Variants in FTCD observed in about 807,000 individuals in gnomAD.
FTCD encodes the protein formimidoyltransferase-cyclodeaminase.
A neutral mutation model predicts 62.9 loss-of-function variants in FTCD; 76 were observed. The observed-to-expected ratio is 1.21, with a 90% CI of 1.00 to 1.46. The LOEUF is 1.46. Ranked by LOEUF, FTCD falls within the 40% of genes most tolerant of loss-of-function variation. FTCD has a pLI of 0.00. For synonymous variants in FTCD, 397 were observed against 336.9 expected, an observed-to-expected ratio of 1.18 and a Z score of -1.95; for missense variants, 845 against 751.3, an observed-to-expected ratio of 1.12 and a Z score of -1.46.
At position 46,137,269 on chromosome 21, in the gene FTCD, C is replaced by T. The variant is rs2078890850; in HGVS notation, c.1509G>A (p.Arg503=). 3 of 1,613,658 alleles carry T rather than the reference C, an allele frequency of 1.9e-6. No homozygotes were observed. The highest frequency in any genetic ancestry group is 2.5e-6 in the Non-Finnish European group (3 of 1,179,838). ...GAYFNVLINL[R]DITDEAFKDQ... The stretch of plus-strand genomic sequence containing the variant: ...CCTTAAATGCCTCGTCTGTGATGTC[C>T]CTCAGGTTGATGAGCACGTTGAAAT... Residue 503 remains arginine (R), a synonymous_variant, in exon 13 of 14, where the codon AGG becomes AGA. Coordinates refer to ENST00000397746, the MANE Select transcript of FTCD (RefSeq NM_206965.2).
At position 46,152,897 on chromosome 21, in the gene FTCD, G is replaced by GGGGGGGGGGGGGGC; in HGVS notation, c.367+9_367+10insGCCCCCCCCCCCCC. The GGGGGGGGGGGGGGC allele has an allele frequency of 2.5e-6, 3 of 1,210,012 alleles. No homozygotes were observed. Among genetic ancestry groups the GGGGGGGGGGGGGGC allele is most frequent in the Non-Finnish European group, 3.5e-6 (3 of 865,774 alleles). The allele number at this position is 1,210,012 out of a possible 1,614,324, so 75.0% of individuals were successfully genotyped here. A position where few individuals can be genotyped will look rare whatever the true frequency, so the allele number is the denominator to read the frequency against. ...GGAGCAGAGTGAGGGGGGCGGGGGG[G>GGGGGGGGGGGGGGC]CACGCTCACCTGGCACGTCCAGCTC... On this transcript the variant is annotated intron_variant, in intron 3 of 13. Coordinates refer to ENST00000397746, the MANE Select transcript of FTCD (RefSeq NM_206965.2).
At chr21:46,143,331 CCT>C (rs2079060855) in intron 10 of FTCD, among the ~76,000 whole-genome samples, 1 of 151,414 alleles carries the variant, frequency 6.6e-6, no homozygotes, top group Non-Finnish European at 1.5e-5. Context: ...TCCCCACCTC[CCT>C]CTCTCCCCAC....
In FTCD at chr21:46,150,244, T is replaced by C. The variant is rs781738479; in HGVS notation, c.781A>G (p.Ser261Gly). 6.2e-7 allele frequency: 1 copy of C among 1,609,516 alleles called. No individual in the cohort carries two copies. Among genetic ancestry groups the C allele is most frequent in the South Asian group, 1.1e-5 (1 of 90,442 alleles). The change falls in exon 7 of 14, where the codon AGC (serine) becomes GGC (glycine). Residue 261 changes from serine (S) to glycine (G), a missense_variant. By Grantham distance (56) the Ser-to-Gly change is moderately conservative (BLOSUM62 0). Transcript: ENST00000397746. ...AGCTGTGAGCCCACCACTGGGAGGC[T>C]CAGCTCCTGCCAAGGCACAGGCAGC... ...EETCREAQEL[S>G]LPVVGSQLVG...
chr21:46,138,346 C>T (rs780075243), intron 12 of FTCD, among the ~76,000 whole-genome samples, 162 bp downstream of exon 12: 13 of 152,182 alleles, frequency 8.5e-5, no homozygotes, highest in Non-Finnish European at 1.9e-4. Context: ...CAGCGGACAC[C>T]CCGGCCCTGT....
rs2079145641 is a variant in FTCD, at chr21:46,146,282, T to G, written c.952A>C (p.Lys318Gln). 1.2e-6 allele frequency: 2 copies of G among 1,604,398 alleles called. No individual in the cohort carries two copies. Among genetic ancestry groups the G allele is most frequent in the East Asian group, 4.5e-5 (2 of 44,586 alleles). ...GAGGCTCACTCGATGATCCGCTCCTTAGGGCTGAAGGGGCACAGGGAGTCC... is the reference window on the plus strand; with the variant it reads ...GAGGCTCACTCGATGATCCGCTCCTGAGGGCTGAAGGGGCACAGGGAGTCC... ...GLDSLCPFSP[K>Q]ERIIEYLVPE... The change falls in exon 8 of 14, where the codon AAG becomes CAG. Residue 318 changes from lysine to glutamine, a missense_variant. Transcript: ENST00000397746.
At chr21:46,147,585 G>A (rs1018710208) in intron 7 of FTCD, among the ~76,000 whole-genome samples, 2 of 152,108 alleles carry the variant, frequency 1.3e-5, no homozygotes, top group African/African-American at 4.8e-5. Flanking sequence ...GAGGCAGCAC[G>A]CAGCCACGGG....
At chr21:46,144,063 T>C (rs1180093149) in intron 10 of FTCD, among the ~76,000 whole-genome samples, 1 of 152,014 alleles carries the variant, frequency 6.6e-6, no homozygotes, top group Non-Finnish European at 1.5e-5. Flanking sequence ...GTCCTCTCTC[T>C]CTCTGCCTCA....
In FTCD at chr21:46,151,611, G is replaced by A. The variant is rs781475612; in HGVS notation, c.583C>T (p.Gln195Ter). ...FNINLLGTKE[Q>*]AHRIALNLRE... ...AGGTTGAGCGCGATGCGGTGGGCTT[G>A]CTCCTTTGTGCCGAGCAGGTTGATG... is the stretch of plus-strand genomic sequence containing the variant. Residue 195 changes from glutamine to a stop codon, truncating the protein, a stop_gained, in exon 5 of 14, where the codon CAA (glutamine) becomes TAA (stop). Transcript: ENST00000397746. LOFTEE classifies it high-confidence loss of function. The A allele has an allele frequency of 6.2e-7, 1 of 1,613,064 alleles. No individual in the cohort carries two copies. The highest frequency in any genetic ancestry group is 8.5e-7 in the Non-Finnish European group (1 of 1,179,964).
At chr21:46,147,112 G>A (rs530299418) in intron 7 of FTCD, among the ~76,000 whole-genome samples, 39 of 152,354 alleles carry the variant, frequency 2.6e-4, no homozygotes, top group African/African-American at 8.7e-4. Context: ...TGCCCTGGGG[G>A]CAACTGCCCC....
chr21:46,145,275 C>A (rs1027830654), intron 10 of FTCD, 142 bp downstream of exon 10: 8 of 674,364 alleles, frequency 1.2e-5, no homozygotes, highest in Non-Finnish European at 2.0e-5. Flanking sequence ...AAGGTCCAGA[C>A]AGCGGCCAGT....
rs546038935 is a variant in FTCD at position 46,138,801 on chromosome 21, A to G, written c.1304+79T>C. ...GCCCAGGCCAACCACGCCCCGTCAC[A>G]GCACCCAGGTACTCGGGATCCTGGC... On this transcript the variant is annotated intron_variant, in intron 11 of 13. Transcript: ENST00000397746. 9.0e-6 allele frequency: 13 copies of G among 1,446,168 alleles called. No individual in the cohort carries two copies. In the Admixed American group the frequency reaches 1.0e-4, roughly 11 times the overall value. 89.6% of individuals were successfully genotyped at this position (1,446,168 alleles called of 1,614,324 possible). A position where few individuals can be genotyped will look rare whatever the true frequency, so the allele number is the denominator to read the frequency against.
At chr21:46,139,414 G>T (rs990420176) in intron 10 of FTCD, among the ~76,000 whole-genome samples, 1 of 152,158 alleles carries the variant, frequency 6.6e-6, no homozygotes, top group Non-Finnish European at 1.5e-5. Context: ...TGTAGCTCAC[G>T]GCGTCACCGT....
In FTCD at chr21:46,136,930, G is replaced by GC. The variant is rs747742340; in HGVS notation, c.*56dup. On this transcript the variant is annotated 3_prime_UTR_variant, in exon 14 of 14. Coordinates refer to ENST00000397746, the MANE Select transcript of FTCD (RefSeq NM_206965.2). ...GTGTCCCCACCGAGGTCACAGCTCT[G>GC]CCCTCTGGGGATGGGCGAGGGAGGG... The GC allele has an allele frequency of 2.5e-6, 4 of 1,611,264 alleles. No homozygotes were observed. The Admixed American group carries it at 6.7e-5, about 27-fold the overall frequency.
At chr21:46,141,606 A>T (rs1220559152) in intron 10 of FTCD, among the ~76,000 whole-genome samples, 1 of 152,084 alleles carries the variant, frequency 6.6e-6, no homozygotes, top group African/African-American at 2.4e-5. Flanking sequence ...GGATTGACAC[A>T]TTCCACGACA....
rs867680044 is a variant in FTCD at position 46,152,913 on chromosome 21, C to T, written c.361G>A (p.Val121Met). The change falls in exon 3 of 14, where the codon GTG becomes ATG. Residue 121 changes from valine to methionine, a missense_variant. By Grantham distance (21) the Val-to-Met change is conservative (BLOSUM62 1). Coordinates refer to ENST00000397746, the MANE Select transcript of FTCD (RefSeq NM_206965.2). ...FGQRLAEELD[V>M]PVYLYGEAAR... ...GGCGGGGGGGCACGCTCACCTGGCACGTCCAGCTCCTCTGCCAGCCTCTGG... is the reference window on the plus strand; with the variant it reads ...GGCGGGGGGGCACGCTCACCTGGCATGTCCAGCTCCTCTGCCAGCCTCTGG... 57 of 1,569,388 alleles carry T rather than the reference C, an allele frequency of 3.6e-5. No homozygotes were observed. The highest frequency in any genetic ancestry group is 1.3e-4 in the African/African-American group (10 of 74,268).
intron 12 of FTCD, 122 bp from the exon 13 acceptor site, chr21:46,137,456 G>A (rs1458822560): frequency 2.5e-6 from 2 of 794,270 alleles, no homozygotes; most frequent in East Asian, 2.5e-5. Context: ...AAGGAGCCCA[G>A]CGCAGCCCCC....
In FTCD at chr21:46,145,461, T is replaced by G. The variant is rs2079117764; in HGVS notation, c.1216A>C (p.Thr406Pro). ...PPFREASAKL[T>P]TLVDADAEAF... ...TCGGCGTCGGCATCCACCAGCGTGGTTAGCTTGGCCGAAGCCTCGCGGAAG... is the reference window on the plus strand; with the variant it reads ...TCGGCGTCGGCATCCACCAGCGTGGGTAGCTTGGCCGAAGCCTCGCGGAAG... Residue 406 changes from threonine to proline, a missense_variant, in exon 10 of 14, where the codon ACC (threonine) becomes CCC (proline). Physicochemically the swap from Thr to Pro is conservative, Grantham distance 38 (BLOSUM62 -1). Coordinates refer to ENST00000397746, the MANE Select transcript of FTCD (RefSeq NM_206965.2). The G allele has an allele frequency of 6.4e-7, 1 of 1,560,600 alleles. No individual in the cohort carries two copies. The highest frequency in any genetic ancestry group is 8.7e-7 in the Non-Finnish European group (1 of 1,153,364).
chr21:46,142,445 G>A (rs1235512656), intron 10 of FTCD: 1 of 151,484 alleles, frequency 6.6e-6, no homozygotes, highest in East Asian at 2.0e-4. Flanking sequence ...TGGCGCGTCG[G>A]GAGCTGTTTC....
At chr21:46,152,360 G>T in intron 3 of FTCD, 1 of 236,492 alleles carries the variant, frequency 4.2e-6, no homozygotes, top group South Asian at 9.6e-5. Context: ...GCACACCAGT[G>T]TGACTGTGAC....
Sources: gnomAD v4.1 joint callset for allele counts (sites outside exome capture counted in the v4.1 genomes callset) on GRCh38, gnomAD v4.1.1 for gene constraint, MANE v1.5 for transcripts, NCBI Gene and HGNC (gene_info 2026-07-23, HGNC 2026-07-21) for gene names.